The following PIP4K2C variants were observed in gnomAD, a reference collection of about 807,000 sequenced individuals.
PIP4K2C encodes phosphatidylinositol-5-phosphate 4-kinase type 2 gamma.
Under a neutral mutation model 45.0 loss-of-function variants are expected in PIP4K2C, and 21 were observed. The observed-to-expected ratio is 0.47, with a 90% confidence interval of 0.33 to 0.67. PIP4K2C has a LOEUF of 0.67. PIP4K2C is among the 30% of genes least tolerant of loss of function. The pLI, the probability that PIP4K2C is intolerant of heterozygous loss-of-function variation, is 0.02. For synonymous variants in PIP4K2C, 201 were observed against 204.8 expected (o/e 0.98, Z 0.16); for missense variants, 456 against 542.8 (o/e 0.84, Z 1.59).
rs1882930577 is a variant in PIP4K2C, at chr12:57,591,216, A to C, written c.-74A>C. 2 of 1,448,960 alleles carry C rather than the reference A, an allele frequency of 1.4e-6. No individual in the cohort carries two copies. Among genetic ancestry groups the C allele is most frequent in the Non-Finnish European group, 1.9e-6 (2 of 1,068,298 alleles). The allele number at this position is 1,448,960 out of a possible 1,614,324, so 89.8% of individuals were successfully genotyped here. A position where few individuals can be genotyped will look rare whatever the true frequency, so the allele number is the denominator to read the frequency against. Reference sequence around the variant, plus strand: ...CGGTCACGTGACAGCAGCGCAGGTGAGCGCCGCTTCCGGGGTCGGGCGCCT... The same window carrying C: ...CGGTCACGTGACAGCAGCGCAGGTGCGCGCCGCTTCCGGGGTCGGGCGCCT... On this transcript the variant is annotated 5_prime_UTR_variant, in exon 1 of 10. Coordinates refer to ENST00000354947, the MANE Select transcript of PIP4K2C (RefSeq NM_024779.5).
chr12:57,601,507 TC>T lies in PIP4K2C; in HGVS notation c.1186-17del, dbSNP rs1565716407. On this transcript the variant is annotated intron_variant, in intron 9 of 9. Transcript: ENST00000354947. ...GTGCTAGGGTGGCCTGACATATTGTTCCGTATCTCCTCTCACAGGCTGGGGC... is the reference window on the plus strand; with the variant it reads ...GTGCTAGGGTGGCCTGACATATTGTTCGTATCTCCTCTCACAGGCTGGGGC... The T allele has an allele frequency of 6.2e-7, 1 of 1,605,778 alleles. No homozygotes were observed. Among genetic ancestry groups the T allele is most frequent in the Non-Finnish European group, 8.5e-7 (1 of 1,172,648 alleles).
chr12:57,598,976 C>T (rs1389544451), intron 4 of PIP4K2C, 89 bp from the exon 5 acceptor site: 2 of 1,416,234 alleles, frequency 1.4e-6, no homozygotes, highest in East Asian at 2.3e-5. Context: ...CTCTGCTCTA[C>T]CCTGGAATGG....
In PIP4K2C at chr12:57,595,907, C is replaced by T; in HGVS notation, c.389C>T (p.Pro130Leu). Residue 130 changes from proline to leucine, a missense_variant, in exon 4 of 10, where the codon CCC (proline) becomes CTC (leucine). This residue lies in a region of PIP4K2C where 421 missense variants were observed against 473.1 expected (regional missense o/e 0.89). Transcript: ENST00000354947. The part of the protein sequence containing the change: ...QDYLVSLTRN[P>L]PSESEGSDGR... ...CCCCAGGTGTCCCTTACCCGAAACC[C>T]CCCCAGCGAAAGTGAAGGCAGTGAT... 6.2e-7 allele frequency: 1 copy of T among 1,614,028 alleles called. No homozygotes were observed. The highest frequency in any genetic ancestry group is 8.5e-7 in the Non-Finnish European group (1 of 1,180,006).
In PIP4K2C at chr12:57,601,272, T is replaced by C; in HGVS notation, c.1109T>C (p.Met370Thr). The change falls in exon 9 of 10, where the codon ATG becomes ACG. Residue 370 changes from methionine (M) to threonine (T), a missense_variant. Met to Thr is a moderately conservative substitution (Grantham distance 81). This residue lies in a region of PIP4K2C where 35 missense variants were observed against 69.7 expected (regional missense o/e 0.50). Transcript: ENST00000354947. Reference sequence around the variant, plus strand: ...GCCCCCCAGAAGGAGGTCTACTTCATGGGCCTCATTGATATCCTTACACAG... The same window carrying C: ...GCCCCCCAGAAGGAGGTCTACTTCACGGGCCTCATTGATATCCTTACACAG... ...EGAPQKEVYF[M>T]GLIDILTQYD... 1 of 1,613,838 alleles carries C rather than the reference T, an allele frequency of 6.2e-7. No homozygotes were observed. The highest frequency in any genetic ancestry group is 8.5e-7 in the Non-Finnish European group (1 of 1,179,770).
chr12:57,597,771 A>C (rs892566188), intron 4 of PIP4K2C, among the ~76,000 whole-genome samples: 3 of 152,174 alleles, frequency 2.0e-5, no homozygotes, highest in African/African-American at 7.2e-5. Flanking sequence ...GACGACAGAG[A>C]GGAGGGGAAT....
At position 57,595,982 on chromosome 12, in the gene PIP4K2C, C is replaced by G. The variant is rs147858324; in HGVS notation, c.464C>G (p.Ser155Cys). Reference sequence around the variant, plus strand: ...CGGACTCTGGTCATCAAAGAAGTATCCAGTGAGGACATTGCTGACATGCAT... The same window carrying G: ...CGGACTCTGGTCATCAAAGAAGTATGCAGTGAGGACATTGCTGACATGCAT... ...YDRTLVIKEV[S>C]SEDIADMHSN... Residue 155 changes from serine (S) to cysteine (C), a missense_variant, in exon 4 of 10, where the codon TCC becomes TGC. This residue lies in a region of PIP4K2C where 421 missense variants were observed against 473.1 expected (regional missense o/e 0.89). Coordinates refer to ENST00000354947, the MANE Select transcript of PIP4K2C (RefSeq NM_024779.5). The G allele has an allele frequency of 1.2e-6, 2 of 1,613,752 alleles. No individual in the cohort carries two copies. Among genetic ancestry groups the G allele is most frequent in the African/African-American group, 1.3e-5 (1 of 74,912 alleles).
chr12:57,594,163 GA>G (rs1190126101), intron 2 of PIP4K2C, 41 bp downstream of exon 2: 7 of 1,470,582 alleles, frequency 4.8e-6, no homozygotes, highest in Non-Finnish European at 6.5e-6. Context: ...AACCTTCCCA[GA>G]AAGGAGTAAT....
In PIP4K2C at chr12:57,602,004, TG is replaced by T. The variant is rs1883462417; in HGVS notation, c.*399del. 1 of 221,242 alleles carries T rather than the reference TG, an allele frequency of 4.5e-6. No homozygotes were observed. Among genetic ancestry groups the T allele is most frequent in the Non-Finnish European group, 9.1e-6 (1 of 109,560 alleles). 13.7% of individuals were successfully genotyped at this position (221,242 alleles called of 1,614,324 possible). ...ACCTGGCTCAAGCAACTACTCTGGA[TG>T]CACTTTGCTGTGTGGGATGAACTAA... On this transcript the variant is annotated 3_prime_UTR_variant, in exon 10 of 10. Transcript: ENST00000354947.
At chr12:57,599,305 G>A (rs1279355650) in intron 5 of PIP4K2C, 94 bp downstream of exon 5, 9 of 1,605,908 alleles carry the variant, frequency 5.6e-6, no homozygotes, top group Non-Finnish European at 7.7e-6. Context: ...CCTTTTAAGG[G>A]AAAGAAGGCT....
In PIP4K2C at chr12:57,596,070, C is replaced by T. The variant is rs1186834854; in HGVS notation, c.513+39C>T. On this transcript the variant is annotated intron_variant, in intron 4 of 9. Transcript: ENST00000354947. Reference sequence around the variant, plus strand: ...CTAGCCCCATTCTTTCCCTCTCCTCCCTACTCACATATAGCTCAGCTATTG... The same window carrying T: ...CTAGCCCCATTCTTTCCCTCTCCTCTCTACTCACATATAGCTCAGCTATTG... The T allele has an allele frequency of 5.0e-6, 8 of 1,591,522 alleles. No individual in the cohort carries two copies. The East Asian group carries it at 1.6e-4, about 31-fold the overall frequency.
chr12:57,596,141 A>G, intron 4 of PIP4K2C, 110 bp downstream of exon 4: 2 of 1,306,408 alleles, frequency 1.5e-6, no homozygotes, highest in South Asian at 1.3e-5. Flanking sequence ...GGAAGAGAGA[A>G]TCCATAATCA....
At chr12:57,600,710 T>C in intron 7 of PIP4K2C, 101 bp from the exon 8 acceptor site, 1 of 1,463,342 alleles carries the variant, frequency 6.8e-7, no homozygotes, top group East Asian at 2.3e-5. Context: ...TTATACTTCC[T>C]TTCCCCAGAA....
At chr12:57,600,567 G>C (rs1272587363) in intron 7 of PIP4K2C, 130 bp downstream of exon 7, 1 of 799,350 alleles carries the variant, frequency 1.3e-6, no homozygotes, top group East Asian at 2.5e-5. Flanking sequence ...CCTATATGGG[G>C]GTTTAGTATG....
At position 57,600,342 on chromosome 12, in the gene PIP4K2C, C is replaced by A; in HGVS notation, c.718C>A (p.Leu240Ile). The A allele has an allele frequency of 6.2e-7, 1 of 1,605,816 alleles. No homozygotes were observed. Among genetic ancestry groups the A allele is most frequent in the South Asian group, 1.1e-5 (1 of 90,726 alleles). ...TTCTTAGGTTAAAGAATTGCCCACC[C>A]TTAAGGATATGGACTTTCTCAACAA... The part of the protein sequence containing the change: ...DKEKVKELPT[L>I]KDMDFLNKNQ... Residue 240 changes from leucine (L) to isoleucine (I), a missense_variant, in exon 7 of 10, where the codon CTT (leucine) becomes ATT (isoleucine). This residue lies in a region of PIP4K2C where 421 missense variants were observed against 473.1 expected (regional missense o/e 0.89). Transcript: ENST00000354947.
chr12:57,600,931 G>T lies in PIP4K2C; in HGVS notation c.934G>T (p.Asp312Tyr). The T allele has an allele frequency of 1.2e-6, 2 of 1,614,210 alleles. No individual in the cohort carries two copies. Among genetic ancestry groups the T allele is most frequent in the Non-Finnish European group, 1.7e-6 (2 of 1,180,046 alleles). ...VREDESEVDG[D>Y]CSLTGPPALV... ...GGAGGATGAGTCAGAGGTGGATGGG[G>T]ACTGCAGCCTGACTGGACCTCCTGC... Residue 312 changes from aspartate (D) to tyrosine (Y), a missense_variant, in exon 8 of 10, where the codon GAC becomes TAC. Coordinates refer to ENST00000354947, the MANE Select transcript of PIP4K2C (RefSeq NM_024779.5).
At chr12:57,592,852 G>T (rs979444496) in intron 1 of PIP4K2C, among the ~76,000 whole-genome samples, 10 of 151,666 alleles carry the variant, frequency 6.6e-5, no homozygotes, top group Admixed American at 6.6e-4. Flanking sequence ...TGGGGAGGAG[G>T]GGGCAGGAGG....
chr12:57,597,609 C>T (rs980398821), intron 4 of PIP4K2C, among the ~76,000 whole-genome samples: 3 of 151,876 alleles, frequency 2.0e-5, no homozygotes, highest in African/African-American at 7.3e-5. Flanking sequence ...GCTATAGATA[C>T]GATTATTGTA....
At chr12:57,596,315 G>A (rs539785591) in intron 4 of PIP4K2C, among the ~76,000 whole-genome samples, 3 of 151,980 alleles carry the variant, frequency 2.0e-5, no homozygotes, top group South Asian at 2.1e-4. Context: ...GAGAAACCCC[G>A]TCTCTACTAA....
intron 3 of PIP4K2C, 111 bp from the exon 4 acceptor site, chr12:57,595,777 C>A: frequency 8.5e-7 from 1 of 1,177,444 alleles, no homozygotes; most frequent in South Asian, 1.3e-5. Context: ...AGGAACTGTG[C>A]TGAATCTCCT....
Sources: allele counts gnomAD v4.1 joint callset (sites outside exome capture counted in the v4.1 genomes callset), GRCh38; gene constraint gnomAD v4.1.1; regional missense constraint gnomAD v4.1.1; transcripts MANE v1.5; gene names NCBI Gene and HGNC (gene_info 2026-07-23, HGNC 2026-07-21).